The following PHF20L1 variants were observed in gnomAD, a reference collection of about 807,000 sequenced individuals.
PHF20L1 encodes PHD finger protein 20 like 1, also known as PHD finger protein 20-like protein 1.
In PHF20L1, 44 loss-of-function variants were observed where a neutral mutation model predicts 125.5. That is an observed-to-expected ratio of 0.35 (90% CI 0.28 to 0.45). The LOEUF is 0.45. Among genes scored for constraint, PHF20L1 ranks in the 20% least tolerant of loss-of-function variants. The pLI, the probability that PHF20L1 is intolerant of heterozygous loss-of-function variation, is 1.00. For missense variants in PHF20L1, 1,012 were observed against 1,217.2 expected, an observed-to-expected ratio of 0.83 and a Z score of 2.51; for synonymous variants, 380 against 403.1, an observed-to-expected ratio of 0.94 and a Z score of 0.69.
Position 132,817,357 on chromosome 8 carries a change from T to G in PHF20L1, c.1391T>G (p.Leu464Trp), listed in dbSNP as rs1343723307. 1.2e-6 allele frequency: 2 copies of G among 1,612,340 alleles called. No homozygotes were observed. Among genetic ancestry groups the G allele is most frequent in the East Asian group, 4.5e-5 (2 of 44,836 alleles). ...SVPEVPDVAHLPLEKLGPCLP... is the reference protein window; with the variant it reads ...SVPEVPDVAHWPLEKLGPCLP... ...TGTGTAGTGCCTGATGTTGCACATT[T>G]GCCACTTGAGAAGCTGGGACCCTGT... Residue 464 changes from leucine to tryptophan, a missense_variant, in exon 12 of 21, where the codon TTG becomes TGG. Around this residue, in one of 7 missense-constraint regions of PHF20L1, gnomAD observed 320 missense variants for 293.8 expected, o/e 1.09. Coordinates refer to ENST00000395386, the MANE Select transcript of PHF20L1 (RefSeq NM_016018.5).
intron 11 of PHF20L1, 105 bp from the exon 12 acceptor site, chr8:132,817,234 T>G: frequency 9.7e-7 from 1 of 1,033,950 alleles, no homozygotes; most frequent in South Asian, 1.6e-5. Context: ...AGTGCCTTCT[T>G]TGTGCCAGGC....
chr8:132,836,405 A>T, intron 15 of PHF20L1, 135 bp from the exon 16 acceptor site: 1 of 620,994 alleles, frequency 1.6e-6, no homozygotes, highest in South Asian at 2.1e-5. Flanking sequence ...AGTACAGTAC[A>T]GTATTCTTAT....
At chr8:132,780,599 A>G (rs1479462349) in intron 2 of PHF20L1, among the ~76,000 whole-genome samples, 1 of 152,024 alleles carries the variant, frequency 6.6e-6, no homozygotes, top group Non-Finnish European at 1.5e-5. Flanking sequence ...AATTTATTCA[A>G]TTCTCTTTGA....
At chr8:132,789,210 G>T (rs1226152127) in intron 2 of PHF20L1, among the ~76,000 whole-genome samples, 1 of 152,128 alleles carries the variant, frequency 6.6e-6, no homozygotes, top group Non-Finnish European at 1.5e-5. Flanking sequence ...GTCAGTTTCT[G>T]TTCTTATGAG....
chr8:132,842,310 T>C (rs1587098651), intron 18 of PHF20L1: 11 of 432,808 alleles, frequency 2.5e-5, no homozygotes, highest in Middle Eastern at 5.9e-4. Context: ...AAATTTGTTA[T>C]TGCTTTTCTG....
At chr8:132,834,653 G>A (rs1318398837) in intron 15 of PHF20L1, among the ~76,000 whole-genome samples, 1 of 151,904 alleles carries the variant, frequency 6.6e-6, no homozygotes, top group Non-Finnish European at 1.5e-5. Flanking sequence ...CTGTTTATAT[G>A]CTGCAACAGT....
intron 2 of PHF20L1, among the ~76,000 whole-genome samples, chr8:132,787,983 A>C (rs534807831): frequency 1.3e-4 from 20 of 152,034 alleles, no homozygotes; most frequent in Non-Finnish European, 2.8e-4. Flanking sequence ...TATGACTACC[A>C]TAGTTATAGA....
intron 4 of PHF20L1, 144 bp downstream of exon 4, chr8:132,794,961 A>T (rs1832208550): frequency 1.6e-6 from 1 of 607,082 alleles, no homozygotes; most frequent in African/African-American, 1.9e-5. Context: ...GGAGCATTTG[A>T]TTTGTTATGT....
At chr8:132,833,060 G>T (rs918257855) in intron 15 of PHF20L1, among the ~76,000 whole-genome samples, 6 of 152,078 alleles carry the variant, frequency 3.9e-5, no homozygotes, top group Admixed American at 2.0e-4. Flanking sequence ...AATATTGTAA[G>T]CAATAGGCAC....
At position 132,839,541 on chromosome 8, in the gene PHF20L1, A is replaced by C; in HGVS notation, c.2346A>C (p.Thr782=). ...HHLLADVYGV[T]EVLHGLQLKI... ...TGCTTGCTGATGTCTATGGTGTTAC[A>C]GAAGTGCTACACGGGCTACAGCTGA... Residue 782 remains threonine, a synonymous_variant, in exon 18 of 21, where the codon ACA becomes ACC. Transcript: ENST00000395386. The C allele has an allele frequency of 6.2e-7, 1 of 1,613,580 alleles. No homozygotes were observed. The highest frequency in any genetic ancestry group is 8.5e-7 in the Non-Finnish European group (1 of 1,179,652).
intron 2 of PHF20L1, among the ~76,000 whole-genome samples, chr8:132,780,683 CA>C (rs1289555000): frequency 6.6e-6 from 1 of 152,080 alleles, no homozygotes; most frequent in African/African-American, 2.4e-5. Context: ...AGCAGGAATG[CA>C]AATCTTGCTT....
chr8:132,777,255 G>A (rs562218947), intron 1 of PHF20L1, among the ~76,000 whole-genome samples: 307 of 152,264 alleles, frequency 2.0e-3, no homozygotes, highest in African/African-American at 6.9e-3. Context: ...AGGAATTAGT[G>A]GTATCTTCAC....
intron 11 of PHF20L1, 28 bp downstream of exon 11, chr8:132,817,104 C>A (rs1835068578): frequency 7.4e-7 from 1 of 1,352,068 alleles, no homozygotes; most frequent in Non-Finnish European, 1.0e-6. Context: ...CCTATAGAAC[C>A]AAACATAAAA....
chr8:132,837,720 G>A lies in PHF20L1; in HGVS notation c.2100G>A (p.Glu700=), dbSNP rs1490984787. The A allele has an allele frequency of 1.5e-5, 24 of 1,612,238 alleles. No individual in the cohort carries two copies. Among genetic ancestry groups the A allele is most frequent in the Non-Finnish European group, 2.0e-5 (24 of 1,178,742 alleles). The change falls in exon 17 of 21, where the codon GAG becomes GAA. Residue 700 remains glutamate, a synonymous_variant. Coordinates refer to ENST00000395386, the MANE Select transcript of PHF20L1 (RefSeq NM_016018.5). ...TCCTCTGTTTTCTGCAGTGTGAAGA[G>A]TGCTTGTGTTGGCAACACAGCGTGT... ...EENGFMIQCE[E]CLCWQHSVCM...
At position 132,814,818 on chromosome 8, in the gene PHF20L1, C is replaced by T; in HGVS notation, c.1112C>T (p.Ser371Phe). ...ATAAAACCCCCTAAATCACCACTTTCCCCAGAATTAATACAAGTCGAGGAT... is the reference window on the plus strand; with the variant it reads ...ATAAAACCCCCTAAATCACCACTTTTCCCAGAATTAATACAAGTCGAGGAT... ...GCIKPPKSPL[S>F]PELIQVEDLT... is the part of the protein sequence containing the mutation. The change falls in exon 10 of 21, where the codon TCC becomes TTC. Residue 371 changes from serine to phenylalanine, a missense_variant. This residue lies in a region of PHF20L1 where 119 missense variants were observed against 160.2 expected (regional missense o/e 0.74). Coordinates refer to ENST00000395386, the MANE Select transcript of PHF20L1 (RefSeq NM_016018.5). The T allele has an allele frequency of 1.9e-6, 3 of 1,611,410 alleles. No homozygotes were observed. The highest frequency in any genetic ancestry group is 2.2e-5 in the South Asian group (2 of 91,008).
chr8:132,801,998 G>T (rs770774537), intron 6 of PHF20L1, among the ~76,000 whole-genome samples: 18 of 151,556 alleles, frequency 1.2e-4, no homozygotes, highest in Middle Eastern at 6.8e-3. Flanking sequence ...AATTTTCCCC[G>T]CAATGTGGAA....
chr8:132,778,147 G>A (rs1830034685), intron 2 of PHF20L1, among the ~76,000 whole-genome samples: 2 of 152,114 alleles, frequency 1.3e-5, no homozygotes, highest in Admixed American at 1.3e-4. Context: ...TGGTGTTTGA[G>A]AAATGAAAAT....
chr8:132,837,333 T>C (rs938825333), intron 16 of PHF20L1, among the ~76,000 whole-genome samples: 1 of 152,138 alleles, frequency 6.6e-6, no homozygotes, highest in African/African-American at 2.4e-5. Context: ...GAAGTAGTAC[T>C]TTAAGAGATC....
chr8:132,821,631 G>A (rs1303921801), intron 12 of PHF20L1, among the ~76,000 whole-genome samples: 1 of 151,958 alleles, frequency 6.6e-6, no homozygotes, highest in Non-Finnish European at 1.5e-5. Flanking sequence ...TCTATGGAGA[G>A]TCTCAGGGAT....
Sources: allele counts gnomAD v4.1 joint callset (sites outside exome capture counted in the v4.1 genomes callset), GRCh38; gene constraint gnomAD v4.1.1; regional missense constraint gnomAD v4.1.1; transcripts MANE v1.5; gene names NCBI Gene and HGNC (gene_info 2026-07-23, HGNC 2026-07-21).